The following NUP37 variants were observed in gnomAD, a reference collection of about 807,000 sequenced individuals.
NUP37 encodes the protein nucleoporin 37.
In NUP37, 33 loss-of-function variants were observed where a neutral mutation model predicts 45.4. That is an observed-to-expected ratio of 0.73 (90% CI 0.55 to 0.97). The LOEUF is 0.97. NUP37 is among the 50% of genes least tolerant of loss of function. NUP37 has a pLI of 0.00. For missense variants in NUP37, 365 were observed against 389.7 expected (o/e 0.94, Z 0.53); for synonymous variants, 127 against 130.7 (o/e 0.97, Z 0.19).
intron 2 of NUP37, 142 bp downstream of exon 2, chr12:102,118,221 G>A: frequency 1.2e-6 from 1 of 800,522 alleles, no homozygotes. Flanking sequence ...ATATAACTGG[G>A]AACATCTTTC....
At position 102,104,607 on chromosome 12, in the gene NUP37, T is replaced by C. The variant is rs545155526; in HGVS notation, c.282-3503A>G. On this transcript the variant is annotated intron_variant, in intron 3 of 9. Coordinates refer to ENST00000552283, the MANE Select transcript of NUP37 (RefSeq NM_024057.4). ...TTAGGAGTTTTATAGTTTCAGGTCT[T>C]ATGTTTAGGTCCCATTTTGAGCTCA... is the stretch of plus-strand genomic sequence containing the variant. Among the ~76,000 whole-genome samples the C allele has an allele frequency of 2.6e-5, 4 of 152,304 alleles. No homozygotes were observed. The East Asian group carries it at 7.7e-4, about 29-fold the overall frequency.
At chr12:102,074,629 C>T in intron 9 of NUP37, 162 bp from the exon 10 acceptor site, 1 of 562,010 alleles carries the variant, frequency 1.8e-6, no homozygotes, top group Non-Finnish European at 3.1e-6. Context: ...TATTGATACG[C>T]AGCTGAAACA....
In NUP37 at chr12:102,117,219, C is replaced by T. The variant is rs145953226; in HGVS notation, c.156+1144G>A. 2.0e-4 allele frequency among the ~76,000 whole-genome samples: 30 copies of T among 151,954 alleles called. No homozygotes were observed. In the East Asian group the frequency reaches 4.8e-3, roughly 24 times the overall value. The stretch of plus-strand genomic sequence containing the variant: ...CCTGTAATCCCAGCACTTGGGAGGC[C>T]GAGGTAGGCAAATGACTTGAGGTCA... On this transcript the variant is annotated intron_variant, in intron 2 of 9. Coordinates refer to ENST00000552283, the MANE Select transcript of NUP37 (RefSeq NM_024057.4).
At chr12:102,082,490 T>C (rs1389531731) in intron 6 of NUP37, among the ~76,000 whole-genome samples, 1 of 152,250 alleles carries the variant, frequency 6.6e-6, no homozygotes, top group Non-Finnish European at 1.5e-5. Context: ...GACCAGCAGC[T>C]AAAATTGACT....
At chr12:102,088,703 A>ATTTTTTTTTTTT (rs768691385) in intron 5 of NUP37, among the ~76,000 whole-genome samples, 9 of 109,000 alleles carry the variant, frequency 8.3e-5, no homozygotes, top group Non-Finnish European at 1.4e-4. Context: ...TTTTGTTTTA[A>ATTTTTTTTTTTT]TTTTTTTTTT....
At chr12:102,100,948 A>T in intron 4 of NUP37, 84 bp downstream of exon 4, 1 of 771,310 alleles carries the variant, frequency 1.3e-6, no homozygotes, top group Non-Finnish European at 2.1e-6. Context: ...AAGCCATTTT[A>T]AATTGGAATA....
chr12:102,098,304 G>T (rs957851913), intron 5 of NUP37, among the ~76,000 whole-genome samples: 2 of 152,154 alleles, frequency 1.3e-5, no homozygotes, highest in African/African-American at 4.8e-5. Flanking sequence ...ATTAGGGGGT[G>T]AGGTAGAAGA....
chr12:102,089,572 C>T (rs1398542601), intron 5 of NUP37, among the ~76,000 whole-genome samples: 49 of 146,240 alleles, frequency 3.4e-4, no homozygotes, highest in African/African-American at 9.0e-4. Context: ...ACGGGGCAGC[C>T]GGGCAGAGGC....
chr12:102,079,941 G>A (rs1048624526), intron 6 of NUP37, among the ~76,000 whole-genome samples: 1 of 152,182 alleles, frequency 6.6e-6, no homozygotes, highest in Non-Finnish European at 1.5e-5. Context: ...TGTGACTAAA[G>A]AAGTGCTATG....
chr12:102,085,925 T>G (rs570604647), intron 5 of NUP37, 69 bp from the exon 6 acceptor site: 23 of 725,904 alleles, frequency 3.2e-5, no homozygotes, highest in Non-Finnish European at 4.8e-5. Flanking sequence ...TAAATTTCCA[T>G]GAATTTATTC....
intron 3 of NUP37, among the ~76,000 whole-genome samples, chr12:102,105,165 T>C (rs1880098887): frequency 6.6e-6 from 1 of 152,210 alleles, no homozygotes; most frequent in Non-Finnish European, 1.5e-5. Flanking sequence ...TGAGGGTTTA[T>C]ATGAAAGGGG....
intron 2 of NUP37, among the ~76,000 whole-genome samples, chr12:102,115,362 T>C (rs1049587974): frequency 3.3e-5 from 5 of 152,206 alleles, no homozygotes; most frequent in African/African-American, 7.2e-5. Flanking sequence ...CTTTAAAAAG[T>C]GTAAAATACA....
At position 102,118,581 on chromosome 12, in the gene NUP37, A is replaced by G; in HGVS notation, c.-63T>C. On this transcript the variant is annotated splice_region_variant and 5_prime_UTR_variant, in exon 2 of 10. Transcript: ENST00000552283. ...TAGCCTTCTACTGGACAAGGTCACG[A>G]AACTGTGGATTAGAGCACAGGTACA... The G allele has an allele frequency of 2.2e-5, 33 of 1,477,592 alleles. No homozygotes were observed. The highest frequency in any genetic ancestry group is 2.9e-5 in the Non-Finnish European group (31 of 1,083,492). 91.5% of individuals were successfully genotyped at this position (1,477,592 alleles called of 1,614,324 possible).
At chr12:102,105,951 G>A (rs1423809688) in intron 3 of NUP37, among the ~76,000 whole-genome samples, 1 of 151,836 alleles carries the variant, frequency 6.6e-6, no homozygotes, top group African/African-American at 2.4e-5. Flanking sequence ...TTGAAAATAG[G>A]GTTTTGCAAA....
At chr12:102,082,250 G>A (rs1879349567) in intron 6 of NUP37, among the ~76,000 whole-genome samples, 1 of 151,722 alleles carries the variant, frequency 6.6e-6, no homozygotes, top group South Asian at 2.1e-4. Context: ...CTTTTTTTAT[G>A]GTTTATATCT....
chr12:102,083,233 T>C (rs1452167700), intron 6 of NUP37, among the ~76,000 whole-genome samples: 1 of 152,232 alleles, frequency 6.6e-6, no homozygotes, highest in Non-Finnish European at 1.5e-5. Flanking sequence ...TATATGGTGA[T>C]ATTAACATTT....
chr12:102,105,461 C>T (rs973843046), intron 3 of NUP37, among the ~76,000 whole-genome samples: 66 of 152,070 alleles, frequency 4.3e-4, no homozygotes, highest in African/African-American at 1.5e-3. Context: ...GCCCGGGAGG[C>T]GGAGGTTGTA....
At chr12:102,080,282 C>A (rs772242199) in intron 6 of NUP37, among the ~76,000 whole-genome samples, 1 of 152,094 alleles carries the variant, frequency 6.6e-6, no homozygotes, top group Non-Finnish European at 1.5e-5. Context: ...ATTAGCCAGG[C>A]GAGGTGGCAA....
At chr12:102,094,292 T>C (rs1285227546) in intron 5 of NUP37, among the ~76,000 whole-genome samples, 1 of 152,114 alleles carries the variant, frequency 6.6e-6, no homozygotes, top group African/African-American at 2.4e-5. Context: ...GCAGGGAACT[T>C]TTCCTGAATT....
Sources: allele counts gnomAD v4.1 joint callset (sites outside exome capture counted in the v4.1 genomes callset), GRCh38; gene constraint gnomAD v4.1.1; transcripts MANE v1.5; gene names NCBI Gene and HGNC (gene_info 2026-07-23, HGNC 2026-07-21).